Variants in NSMCE2 observed in about 807,000 individuals in gnomAD.
NSMCE2 encodes the protein E3 SUMO-protein ligase NSE2.
Under a neutral mutation model 23.8 loss-of-function variants are expected in NSMCE2, and 24 were observed. That is an observed-to-expected ratio of 1.01 (90% CI 0.73 to 1.42). The LOEUF is 1.42. NSMCE2 is among the 40% of genes most tolerant of loss of function. NSMCE2 has a pLI of 0.00. For missense variants in NSMCE2, 284 were observed against 296.5 expected, an observed-to-expected ratio of 0.96 and a Z score of 0.31; for synonymous variants, 92 against 94.1, an observed-to-expected ratio of 0.98 and a Z score of 0.13.
At chr8:125,246,907 G>T (rs931286983) in intron 5 of NSMCE2, among the ~76,000 whole-genome samples, 1 of 151,616 alleles carries the variant, frequency 6.6e-6, no homozygotes, top group African/African-American at 2.4e-5. Context: ...TTTTTCTCTT[G>T]TGTGGTTAAA....
intron 4 of NSMCE2, among the ~76,000 whole-genome samples, chr8:125,177,623 T>C (rs567372085): frequency 3.0e-4 from 46 of 152,352 alleles, no homozygotes; most frequent in South Asian, 1.7e-3. Flanking sequence ...AGAAGCTTCA[T>C]GGAGCCATAA....
chr8:125,316,707 C>T (rs60878859), intron 5 of NSMCE2, among the ~76,000 whole-genome samples: 31,577 of 91,322 alleles, frequency 0.35, 5,928 homozygotes, highest in Middle Eastern at 0.51. Flanking sequence ...TCCTTCCTTC[C>T]TTCTTTCCTT....
At chr8:125,102,593 C>A in intron 3 of NSMCE2, 106 bp downstream of exon 3, 1 of 811,310 alleles carries the variant, frequency 1.2e-6, no homozygotes, top group East Asian at 2.5e-5. Context: ...GATTTAACCC[C>A]TCTAGGCATC....
intron 2 of NSMCE2, 80 bp from the exon 3 acceptor site, chr8:125,102,237 T>A: frequency 1.1e-6 from 1 of 909,392 alleles, no homozygotes; most frequent in East Asian, 2.4e-5. Flanking sequence ...TATGAATGTT[T>A]ACAGCAGTTT....
chr8:125,268,997 C>T (rs1039273664), intron 5 of NSMCE2, among the ~76,000 whole-genome samples: 48 of 152,246 alleles, frequency 3.2e-4, no homozygotes, highest in African/African-American at 1.2e-3. Flanking sequence ...TCTTGATTCT[C>T]TTTTTTATTC....
intron 5 of NSMCE2, among the ~76,000 whole-genome samples, chr8:125,299,383 A>C (rs1415063413): frequency 6.6e-6 from 1 of 152,222 alleles, no homozygotes. Context: ...AGGCCTCAGG[A>C]AACTTAAAAT....
chr8:125,135,581 A>G (rs531122312), intron 3 of NSMCE2, among the ~76,000 whole-genome samples: 1 of 152,246 alleles, frequency 6.6e-6, no homozygotes, highest in East Asian at 1.9e-4. Flanking sequence ...GGTACGAGGT[A>G]TAGATCAAAG....
intron 5 of NSMCE2, among the ~76,000 whole-genome samples, chr8:125,300,023 T>C (rs1268809791): frequency 1.3e-5 from 2 of 151,846 alleles, no homozygotes; most frequent in African/African-American, 4.8e-5. Context: ...TTCAACATGT[T>C]GGCCAGGCTG....
At chr8:125,217,784 A>G (rs920042905) in intron 5 of NSMCE2, among the ~76,000 whole-genome samples, 2 of 151,988 alleles carry the variant, frequency 1.3e-5, no homozygotes, top group African/African-American at 2.4e-5. Context: ...TGTTTTCCAG[A>G]CTTGACTTGC....
At chr8:125,332,464 C>T (rs1361883125) in intron 5 of NSMCE2, among the ~76,000 whole-genome samples, 1 of 152,170 alleles carries the variant, frequency 6.6e-6, no homozygotes, top group Non-Finnish European at 1.5e-5. Flanking sequence ...GTACTCGCAT[C>T]AGAGTTGTAT....
intron 5 of NSMCE2, among the ~76,000 whole-genome samples, chr8:125,280,075 G>A (rs1221142618): frequency 6.6e-6 from 1 of 152,180 alleles, no homozygotes; most frequent in East Asian, 1.9e-4. Context: ...AAATGTTGGA[G>A]GACTCACTGC....
At chr8:125,112,632 G>A (rs1308313366) in intron 3 of NSMCE2, among the ~76,000 whole-genome samples, 3 of 152,094 alleles carry the variant, frequency 2.0e-5, no homozygotes, top group East Asian at 3.9e-4. Context: ...AGCAAAATAA[G>A]CCAGTCACAG....
intron 5 of NSMCE2, among the ~76,000 whole-genome samples, chr8:125,230,881 A>G (rs886140292): frequency 2.6e-5 from 4 of 152,324 alleles, no homozygotes; most frequent in East Asian, 1.9e-4. Flanking sequence ...ATACTAGTAC[A>G]GGTGGACAGG....
At chr8:125,304,878 A>C (rs1828693047) in intron 5 of NSMCE2, among the ~76,000 whole-genome samples, 1 of 148,576 alleles carries the variant, frequency 6.7e-6, no homozygotes, top group Admixed American at 6.7e-5. Context: ...ACAGAGCCAG[A>C]CTCTGAAAAA....
chr8:125,170,596 T>G (rs1251092604), intron 4 of NSMCE2, among the ~76,000 whole-genome samples: 1 of 151,920 alleles, frequency 6.6e-6, no homozygotes, highest in East Asian at 1.9e-4. Flanking sequence ...TTAGAAGTGA[T>G]GGGGTTTCAC....
At chr8:125,204,322 C>T (rs1488991842) in intron 5 of NSMCE2, among the ~76,000 whole-genome samples, 3 of 152,218 alleles carry the variant, frequency 2.0e-5, no homozygotes, top group Admixed American at 2.0e-4. Flanking sequence ...CCCAGACTTC[C>T]TGGCAACCTT....
Position 125,095,681 on chromosome 8 carries a change from G to A in NSMCE2, c.-111+3723G>A, listed in dbSNP as rs1333266414. 3.3e-5 allele frequency among the ~76,000 whole-genome samples: 5 copies of A among 152,128 alleles called. No individual in the cohort carries two copies. In the East Asian group the frequency reaches 9.7e-4, roughly 29 times the overall value. ...AGGCCGAGGCCGGTGGATCACTTGA[G>A]GTCAGGAGTTTGAGACCAGCCTGGC... On this transcript the variant is annotated intron_variant, in intron 1 of 7. Transcript: ENST00000287437.
intron 3 of NSMCE2, among the ~76,000 whole-genome samples, chr8:125,115,025 C>A (rs977229706): frequency 6.6e-6 from 1 of 152,084 alleles, no homozygotes; most frequent in Non-Finnish European, 1.5e-5. Context: ...ACTGTATGTC[C>A]TTGAGATTAG....
At chr8:125,142,937 A>G (rs770230777) in intron 3 of NSMCE2, among the ~76,000 whole-genome samples, 3 of 152,200 alleles carry the variant, frequency 2.0e-5, no homozygotes, top group Admixed American at 6.5e-5. Context: ...ACTAATATCT[A>G]TGTGGAGGAA....
Sources: allele counts gnomAD v4.1 joint callset (sites outside exome capture counted in the v4.1 genomes callset), GRCh38; gene constraint gnomAD v4.1.1; transcripts MANE v1.5; gene names NCBI Gene and HGNC (gene_info 2026-07-23, HGNC 2026-07-21).